Variants in KLHL22 observed in about 807,000 individuals in gnomAD.
KLHL22 encodes the protein kelch like family member 22, also known as kelch-like protein 22.
KLHL22 carries 18 observed loss-of-function variants against 60.7 expected under a neutral mutation model. The ratio of observed to expected loss-of-function variants is 0.30; its 90% CI spans 0.20 to 0.44. The LOEUF (loss-of-function observed/expected upper bound fraction) is 0.44, where lower values mean the gene tolerates loss of function less well. Ranked by LOEUF, KLHL22 falls within the 20% of genes least tolerant of loss-of-function variation. The probability of loss-of-function intolerance (pLI) is 1.00; values close to 1 mark genes in which losing one functional copy is unlikely to be tolerated. For missense variants in KLHL22, 596 were observed against 852.3 expected (o/e 0.70, Z 3.74); for synonymous variants, 355 against 354.5 (o/e 1.00, Z -0.01).
At chr22:20,469,469 C>G (rs562341160) in intron 3 of KLHL22, among the ~76,000 whole-genome samples, 6 of 152,262 alleles carry the variant, frequency 3.9e-5, no homozygotes, top group African/African-American at 1.4e-4. Flanking sequence ...GCAGCTGAAT[C>G]AGGAGTTAAC....
intron 3 of KLHL22, among the ~76,000 whole-genome samples, chr22:20,468,451 G>C (rs556818025): frequency 6.6e-6 from 1 of 152,304 alleles, no homozygotes; most frequent in South Asian, 2.1e-4. Context: ...CATTTGCTTG[G>C]GGTAACCCAA....
chr22:20,451,681 C>T lies in KLHL22; in HGVS notation c.1306-5005G>A, dbSNP rs1301744331. ...AGGGGCCACAGTGCTTCGGGGGAGA[C>T]TCTATGCAATTGCAGGATATGAAGG... On this transcript the variant is annotated intron_variant, in intron 5 of 6. Transcript: ENST00000328879. 6 of 1,603,626 alleles carry T rather than the reference C, an allele frequency of 3.7e-6. No individual in the cohort carries two copies. In the African/African-American group the frequency reaches 6.7e-5, roughly 18 times the overall value.
chr22:20,449,061 TTTTG>T (rs1555909830), intron 5 of KLHL22, among the ~76,000 whole-genome samples: 13 of 147,992 alleles, frequency 8.8e-5, no homozygotes, highest in Non-Finnish European at 1.3e-4. Flanking sequence ...TTTTGTTTTG[TTTTG>T]TTTGTTTTTT....
At chr22:20,488,662 AC>A (rs1259463567) in intron 2 of KLHL22, 8 of 226,016 alleles carry the variant, frequency 3.5e-5, no homozygotes, top group African/African-American at 2.4e-4. Flanking sequence ...ATAATTACTG[AC>A]GGAGGGGAGG....
At position 20,447,611 on chromosome 22, in the gene KLHL22, C is replaced by T. The variant is rs1425431135; in HGVS notation, c.1306-935G>A. Among the ~76,000 whole-genome samples, 3 of 147,766 alleles carry T rather than the reference C, an allele frequency of 2.0e-5. No homozygotes were observed. In the Admixed American group the frequency reaches 2.1e-4, roughly 10 times the overall value. ...AGGCCGGAGTGCAGTGGCACGATCT[C>T]GGCTCACTGCAATCTCCGCCTCCCG... On this transcript the variant is annotated intron_variant, in intron 5 of 6. Coordinates refer to ENST00000328879, the MANE Select transcript of KLHL22 (RefSeq NM_032775.4).
chr22:20,443,361 A>AG (rs1243960043), intron 6 of KLHL22, among the ~76,000 whole-genome samples: 1 of 151,990 alleles, frequency 6.6e-6, no homozygotes, highest in Non-Finnish European at 1.5e-5. Context: ...TACAAAAAAA[A>AG]AAAGGATTAA....
chr22:20,492,957 A>G (rs746158082), intron 1 of KLHL22, among the ~76,000 whole-genome samples: 2 of 152,144 alleles, frequency 1.3e-5, no homozygotes, highest in African/African-American at 2.4e-5. Context: ...TTTATCTCAC[A>G]AACATCTCAA....
chr22:20,464,954 A>G lies in KLHL22; in HGVS notation c.1016T>C (p.Met339Thr), dbSNP rs758029822. ...KHFTASLAPR[M>T]SNQGIAVLNN... is the part of the protein sequence containing the mutation. Reference sequence around the variant, plus strand: ...GAGCACCGCGATGCCCTGGTTGGACATGCGGGGGGCCAGGGAGGCAGTGAA... The same window carrying G: ...GAGCACCGCGATGCCCTGGTTGGACGTGCGGGGGGCCAGGGAGGCAGTGAA... The change falls in exon 4 of 7, where the codon ATG becomes ACG. Residue 339 changes from methionine (M) to threonine (T), a missense_variant. Met to Thr is a moderately conservative substitution (Grantham distance 81). Transcript: ENST00000328879. 1.9e-6 allele frequency: 3 copies of G among 1,606,780 alleles called. No homozygotes were observed. Among genetic ancestry groups the G allele is most frequent in the Non-Finnish European group, 2.6e-6 (3 of 1,176,442 alleles).
intron 4 of KLHL22, among the ~76,000 whole-genome samples, chr22:20,458,466 T>C (rs1350246030): frequency 6.8e-6 from 1 of 147,676 alleles, no homozygotes; most frequent in African/African-American, 2.5e-5. Flanking sequence ...TTTTTTTTTT[T>C]TTGATAGAGA....
At chr22:20,484,872 G>A (rs977305315) in intron 2 of KLHL22, among the ~76,000 whole-genome samples, 2 of 151,294 alleles carry the variant, frequency 1.3e-5, no homozygotes, top group African/African-American at 4.9e-5. Context: ...AAGTAGCTGG[G>A]ACTATAGGCC....
chr22:20,482,882 G>A, intron 2 of KLHL22: 4 of 1,210,724 alleles, frequency 3.3e-6, no homozygotes, highest in South Asian at 2.4e-5. Context: ...CTGGCAGGTG[G>A]TGGTCTTTTG....
chr22:20,480,263 TG>T (rs1212022969), intron 2 of KLHL22, among the ~76,000 whole-genome samples: 1 of 152,248 alleles, frequency 6.6e-6, no homozygotes, highest in Non-Finnish European at 1.5e-5. Context: ...AAAAAAGTTC[TG>T]GAGATCTGTT....
rs554687519 is a variant in KLHL22 at position 20,452,816 on chromosome 22, G to T, written c.1305+4992C>A. 2.0e-5 allele frequency among the ~76,000 whole-genome samples: 3 copies of T among 152,332 alleles called. No homozygotes were observed. In the South Asian group the frequency reaches 6.2e-4, roughly 32 times the overall value. On this transcript the variant is annotated intron_variant, in intron 5 of 6. Coordinates refer to ENST00000328879, the MANE Select transcript of KLHL22 (RefSeq NM_032775.4). ...ATTTGGGGATGGACTGGGAGTGACA[G>T]TAGCCTAGTAGTTCAGCTACCTGAT... is the stretch of plus-strand genomic sequence containing the variant.
At chr22:20,488,803 A>T in intron 2 of KLHL22, 182 bp downstream of exon 2, 1 of 606,040 alleles carries the variant, frequency 1.7e-6, no homozygotes, top group South Asian at 2.0e-5. Context: ...GGATCACTGA[A>T]TGAAAAATGA....
At chr22:20,459,905 A>C (rs899414333) in intron 4 of KLHL22, among the ~76,000 whole-genome samples, 17 of 152,192 alleles carry the variant, frequency 1.1e-4, no homozygotes, top group Non-Finnish European at 2.1e-4. Context: ...AAGGGAGGTA[A>C]GAAGATGAGT....
chr22:20,460,818 T>C (rs2053142642), intron 4 of KLHL22, among the ~76,000 whole-genome samples: 1 of 152,192 alleles, frequency 6.6e-6, no homozygotes, highest in Non-Finnish European at 1.5e-5. Context: ...AGCTTTATTT[T>C]TGCATATAAA....
At chr22:20,458,438 G>A (rs544114124) in intron 4 of KLHL22, among the ~76,000 whole-genome samples, 3 of 134,094 alleles carry the variant, frequency 2.2e-5, no homozygotes, top group South Asian at 2.4e-4. Context: ...GCACCACAAC[G>A]CCCGCTATTT....
At chr22:20,478,118 G>C (rs2053442343) in intron 2 of KLHL22, among the ~76,000 whole-genome samples, 1 of 151,624 alleles carries the variant, frequency 6.6e-6, no homozygotes, top group African/African-American at 2.4e-5. Context: ...AAAAATCAGA[G>C]AGAAAAAAGA....
chr22:20,486,163 T>C, intron 2 of KLHL22, among the ~76,000 whole-genome samples: 1 of 116,088 alleles, frequency 8.6e-6, no homozygotes, highest in Admixed American at 8.6e-5. Context: ...TGAGATTCCG[T>C]CTCAAAAAAA....
Sources: allele counts gnomAD v4.1 joint callset (sites outside exome capture counted in the v4.1 genomes callset), GRCh38; gene constraint gnomAD v4.1.1; transcripts MANE v1.5; gene names NCBI Gene and HGNC (gene_info 2026-07-23, HGNC 2026-07-21).